MBNL1: variants seen among roughly 807,000 people sequenced by gnomAD.
MBNL1 encodes the protein muscleblind-like protein 1.
Under a neutral mutation model 42.2 loss-of-function variants are expected in MBNL1, and 8 were observed. That is an observed-to-expected ratio of 0.19 (90% CI 0.11 to 0.34). MBNL1 has a LOEUF of 0.34. Among genes scored for constraint, MBNL1 ranks in the 10% least tolerant of loss-of-function variants. The pLI is 1.00. For synonymous variants in MBNL1, 169 were observed against 173.9 expected (o/e 0.97, Z 0.22); for missense variants, 309 against 495.3 (o/e 0.62, Z 3.57).
At chr3:152,355,677 C>A (rs2095464652) in intron 2 of MBNL1, among the ~76,000 whole-genome samples, 1 of 152,030 alleles carries the variant, frequency 6.6e-6, no homozygotes. Context: ...TATGACACAG[C>A]TAGGCTAAAT....
At chr3:152,394,055 C>G (rs1461400734) in intron 2 of MBNL1, among the ~76,000 whole-genome samples, 2 of 151,998 alleles carry the variant, frequency 1.3e-5, no homozygotes, top group African/African-American at 2.4e-5. Context: ...CATGGTTTTC[C>G]AAAACGAACC....
chr3:152,340,959 C>T, intron 2 of MBNL1: 1 of 1,510,350 alleles, frequency 6.6e-7, no homozygotes, highest in South Asian at 1.4e-5. Context: ...GCACCTATAC[C>T]ACTTTCCTGA....
At chr3:152,437,109 G>C (rs1346939485) in intron 4 of MBNL1, among the ~76,000 whole-genome samples, 1 of 152,066 alleles carries the variant, frequency 6.6e-6, no homozygotes, top group Non-Finnish European at 1.5e-5. Context: ...CTTATTAATT[G>C]ACCAAATGTT....
At chr3:152,422,053 A>G (rs1047490642) in intron 3 of MBNL1, among the ~76,000 whole-genome samples, 1 of 152,186 alleles carries the variant, frequency 6.6e-6, no homozygotes, top group Non-Finnish European at 1.5e-5. Context: ...TAGCATCATA[A>G]TGACAGGATC....
chr3:152,360,262 A>G (rs1266413147), intron 2 of MBNL1, among the ~76,000 whole-genome samples: 3 of 152,174 alleles, frequency 2.0e-5, no homozygotes, highest in African/African-American at 7.2e-5. Flanking sequence ...AAGGAAAAGC[A>G]GCTTCCTTGT....
In MBNL1 at chr3:152,434,192, C is replaced by CT. The variant is rs531145417; in HGVS notation, c.549+1273dup. On this transcript the variant is annotated intron_variant, in intron 4 of 9. Coordinates refer to ENST00000324210, the MANE Select transcript of MBNL1 (RefSeq NM_021038.5). ...CCCAATAGGTACTTTTTCTGATCCT[C>CT]TCCCCTCTCCCACCATCCACCCTCA... Among the ~76,000 whole-genome samples the CT allele has an allele frequency of 3.1e-4, 47 of 152,266 alleles. No individual in the cohort carries two copies. In the East Asian group the frequency reaches 8.7e-3, roughly 28 times the overall value.
intron 2 of MBNL1, among the ~76,000 whole-genome samples, chr3:152,345,722 T>C (rs952911723): frequency 1.3e-5 from 2 of 152,158 alleles, no homozygotes; most frequent in Non-Finnish European, 2.9e-5. Context: ...AGTACTGGTT[T>C]AGCTTTATGG....
chr3:152,349,758 CTGTG>C (rs149879214), intron 2 of MBNL1, among the ~76,000 whole-genome samples: 6 of 150,864 alleles, frequency 4.0e-5, no homozygotes, highest in African/African-American at 1.2e-4. Flanking sequence ...AGTAAATTGT[CTGTG>C]TGTGTGTGTG....
intron 2 of MBNL1, among the ~76,000 whole-genome samples, chr3:152,344,224 A>C (rs551228666): frequency 6.6e-6 from 1 of 152,328 alleles, no homozygotes; most frequent in South Asian, 2.1e-4. Context: ...AGAATTAACT[A>C]TGTTTGGTCT....
chr3:152,442,273 C>T (rs955289823), intron 4 of MBNL1, among the ~76,000 whole-genome samples: 2 of 152,068 alleles, frequency 1.3e-5, no homozygotes, highest in East Asian at 1.9e-4. Context: ...GTATTATGTA[C>T]ACTATTTGAT....
chr3:152,312,416 G>A (rs909079911), intron 2 of MBNL1, among the ~76,000 whole-genome samples: 4 of 152,110 alleles, frequency 2.6e-5, no homozygotes, highest in African/African-American at 9.7e-5. Context: ...TACGAATTTA[G>A]TCAGACAGCC....
chr3:152,252,177 TTCCC>T (rs1220420623), intron 2 of MBNL1, among the ~76,000 whole-genome samples: 43 of 84,916 alleles, frequency 5.1e-4, no homozygotes, highest in African/African-American at 7.5e-4. Context: ...CCTTCCTTCC[TTCCC>T]TCCTTCCTTC....
chr3:152,310,957 A>G lies in MBNL1; in HGVS notation c.174+10590A>G, dbSNP rs190950549. Among the ~76,000 whole-genome samples, 24 of 151,756 alleles carry G rather than the reference A, an allele frequency of 1.6e-4. No homozygotes were observed. In the East Asian group the frequency reaches 4.6e-3, roughly 29 times the overall value. On this transcript the variant is annotated intron_variant, in intron 2 of 9. Coordinates refer to ENST00000324210, the MANE Select transcript of MBNL1 (RefSeq NM_021038.5). ...GAAATATAATATATTTTAAATCACA[A>G]AAGTAGTATAACTGTTATTTTTCTA...
At chr3:152,452,321 C>G (rs1369928833) in intron 6 of MBNL1, among the ~76,000 whole-genome samples, 27 of 152,128 alleles carry the variant, frequency 1.8e-4, no homozygotes, top group Non-Finnish European at 7.3e-5. Context: ...TTAAGTCTAG[C>G]TCTGAACTGT....
intron 2 of MBNL1, among the ~76,000 whole-genome samples, chr3:152,308,572 G>C (rs2064520927): frequency 6.6e-6 from 1 of 152,152 alleles, no homozygotes; most frequent in Non-Finnish European, 1.5e-5. Context: ...AGGGTGGGAA[G>C]GTGTCGTCAA....
At chr3:152,353,837 G>T (rs781657229) in intron 2 of MBNL1, among the ~76,000 whole-genome samples, 4 of 151,974 alleles carry the variant, frequency 2.6e-5, no homozygotes, top group Non-Finnish European at 5.9e-5. Flanking sequence ...AAGAGCACCT[G>T]GCCTGTGCTA....
chr3:152,291,267 C>A (rs191330329), intron 1 of MBNL1, among the ~76,000 whole-genome samples: 1 of 152,294 alleles, frequency 6.6e-6, no homozygotes, highest in Non-Finnish European at 1.5e-5. Flanking sequence ...GAATTGAAGA[C>A]TGGTTCTGTC....
chr3:152,372,846 C>T (rs2096730371), intron 2 of MBNL1, among the ~76,000 whole-genome samples: 1 of 152,222 alleles, frequency 6.6e-6, no homozygotes, highest in African/African-American at 2.4e-5. Context: ...ATTCGCTGCT[C>T]TCTTCAGAGC....
chr3:152,439,422 T>C (rs993329346), intron 4 of MBNL1, among the ~76,000 whole-genome samples: 1 of 152,206 alleles, frequency 6.6e-6, no homozygotes, highest in African/African-American at 2.4e-5. Flanking sequence ...TGTAGGAAAG[T>C]CTTATCGGTA....
Sources: allele counts gnomAD v4.1 joint callset (sites outside exome capture counted in the v4.1 genomes callset), GRCh38; gene constraint gnomAD v4.1.1; transcripts MANE v1.5; gene names NCBI Gene and HGNC (gene_info 2026-07-23, HGNC 2026-07-21).